The following LANCL2 variants were observed in gnomAD, a reference collection of about 807,000 sequenced individuals.
LANCL2 encodes the protein LanC like glutathione S-transferase 2.
In LANCL2, 33 loss-of-function variants were observed where a neutral mutation model predicts 56.9. The ratio of observed to expected loss-of-function variants is 0.58; its 90% CI spans 0.44 to 0.78. The LOEUF (loss-of-function observed/expected upper bound fraction) is 0.78, where lower values mean the gene tolerates loss of function less well. Among genes scored for constraint, LANCL2 ranks in the 30% least tolerant of loss-of-function variants. The probability of loss-of-function intolerance (pLI) is 0.00; values close to 1 mark genes in which losing one functional copy is unlikely to be tolerated. For synonymous variants in LANCL2, 233 were observed against 228.2 expected (o/e 1.02, Z -0.19); for missense variants, 562 against 580.2 (o/e 0.97, Z 0.32).
chr7:55,395,861 G>A (rs977521904), intron 2 of LANCL2, among the ~76,000 whole-genome samples: 1 of 152,170 alleles, frequency 6.6e-6, no homozygotes, highest in African/African-American at 2.4e-5. Context: ...TCTGAGAAAC[G>A]CATCATTGAG....
chr7:55,403,213 G>T (rs1273568094), intron 5 of LANCL2, among the ~76,000 whole-genome samples: 1 of 152,284 alleles, frequency 6.6e-6, no homozygotes. Flanking sequence ...GGCCGAGGCT[G>T]GCGGATCACT....
At chr7:55,374,210 C>T (rs1789975859) in intron 1 of LANCL2, among the ~76,000 whole-genome samples, 1 of 152,066 alleles carries the variant, frequency 6.6e-6, no homozygotes, top group Admixed American at 6.5e-5. Context: ...TGTAAACTTC[C>T]TTGTGGTTAT....
chr7:55,404,611 C>T (rs967342195), intron 5 of LANCL2, among the ~76,000 whole-genome samples: 1 of 150,578 alleles, frequency 6.6e-6, no homozygotes, highest in Non-Finnish European at 1.5e-5. Context: ...AATTTTCTTT[C>T]TTTTTTTTTC....
chr7:55,388,017 AAG>A (rs1328808335), intron 1 of LANCL2, among the ~76,000 whole-genome samples: 1 of 152,358 alleles, frequency 6.6e-6, no homozygotes, highest in African/African-American at 2.4e-5. Context: ...GTTAGGAAGA[AAG>A]AGGGGAAGAG....
chr7:55,392,063 C>G (rs1790197707), intron 2 of LANCL2, among the ~76,000 whole-genome samples, 153 bp downstream of exon 2: 1 of 152,172 alleles, frequency 6.6e-6, no homozygotes, highest in African/African-American at 2.4e-5. Flanking sequence ...GAGGCCGAGG[C>G]AGGTGGATCA....
intron 1 of LANCL2, among the ~76,000 whole-genome samples, chr7:55,386,277 G>A (rs865941913): frequency 6.2e-4 from 94 of 152,320 alleles, no homozygotes; most frequent in African/African-American, 2.2e-3. Context: ...TGTCCATGAA[G>A]TCTTTACAAT....
Position 55,366,156 on chromosome 7 carries a change from C to A in LANCL2, c.131C>A (p.Ala44Asp), listed in dbSNP as rs368231832. ...AAGALLASGA[A>D]EETGCVRPPA... Reference sequence around the variant, plus strand: ...GGGGCGCTGCTCGCCTCCGGAGCGGCCGAAGAGACAGGCTGTGTTCGTCCC... The same window carrying A: ...GGGGCGCTGCTCGCCTCCGGAGCGGACGAAGAGACAGGCTGTGTTCGTCCC... Residue 44 changes from alanine to aspartate, a missense_variant, in exon 1 of 9, where the codon GCC becomes GAC. By Grantham distance (126) the Ala-to-Asp change is moderately radical. Transcript: ENST00000254770. 6.4e-7 allele frequency: 1 copy of A among 1,555,184 alleles called. No individual in the cohort carries two copies. Among genetic ancestry groups the A allele is most frequent in the African/African-American group, 1.4e-5 (1 of 72,646 alleles).
chr7:55,401,118 A>G (rs994540829), intron 4 of LANCL2, 56 bp from the exon 5 acceptor site: 1 of 1,472,582 alleles, frequency 6.8e-7, no homozygotes, highest in Non-Finnish European at 9.5e-7. Flanking sequence ...TGTTAATTAG[A>G]CTACAACAGG....
intron 1 of LANCL2, among the ~76,000 whole-genome samples, chr7:55,390,778 CAA>C (rs556762101): frequency 1.4e-5 from 2 of 138,596 alleles, no homozygotes; most frequent in African/African-American, 2.7e-5. Context: ...AAAACTGTCT[CAA>C]AAAAAAAAAA....
intron 1 of LANCL2, among the ~76,000 whole-genome samples, chr7:55,388,737 G>A (rs6962424): frequency 0.012 from 1,841 of 152,300 alleles, 38 homozygotes; most frequent in African/African-American, 0.042. Flanking sequence ...ACCACTTAAG[G>A]TGAGCTGTTT....
chr7:55,427,807 CATTGAAG>C (rs1790681075), intron 7 of LANCL2, among the ~76,000 whole-genome samples: 1 of 152,156 alleles, frequency 6.6e-6, no homozygotes, highest in Non-Finnish European at 1.5e-5. Context: ...TGGAAACACC[CATTGAAG>C]AGGTCTAAGA....
intron 7 of LANCL2, among the ~76,000 whole-genome samples, chr7:55,425,774 C>T (rs1790657568): frequency 6.6e-6 from 1 of 152,162 alleles, no homozygotes. Flanking sequence ...AAAATACTAC[C>T]CACCTCCTAA....
At chr7:55,383,310 A>G (rs569272410) in intron 1 of LANCL2, among the ~76,000 whole-genome samples, 58 of 152,304 alleles carry the variant, frequency 3.8e-4, no homozygotes, top group Admixed American at 1.4e-3. Context: ...AGAAAACCCC[A>G]TGTGTGGTGG....
intron 7 of LANCL2, chr7:55,428,141 G>A (rs1790685455): frequency 7.1e-6 from 4 of 566,532 alleles, no homozygotes; most frequent in East Asian, 2.8e-5. Flanking sequence ...TTTTCACCTC[G>A]GACTTCCCAG....
chr7:55,428,598 G>A lies in LANCL2; in HGVS notation c.1258+151G>A, dbSNP rs1790693879. Reference sequence around the variant, plus strand: ...AGAGTAGCTTATTGCTGAAAATTATGTTGAATCTCTTCACCTTACCTATTG... The same window carrying A: ...AGAGTAGCTTATTGCTGAAAATTATATTGAATCTCTTCACCTTACCTATTG... On this transcript the variant is annotated intron_variant, in intron 8 of 8. Transcript: ENST00000254770. 4.5e-6 allele frequency: 3 copies of A among 664,496 alleles called. No homozygotes were observed. The Admixed American group carries it at 7.2e-5, about 16-fold the overall frequency. The allele number at this position is 664,496 out of a possible 1,614,324, so 41.2% of individuals were successfully genotyped here.
chr7:55,425,946 C>T (rs1317583188), intron 7 of LANCL2, among the ~76,000 whole-genome samples: 1 of 152,196 alleles, frequency 6.6e-6, no homozygotes, highest in African/African-American at 2.4e-5. Flanking sequence ...GCCTGATCTC[C>T]TTGCCTTACC....
chr7:55,390,265 C>CTT (rs1790171537), intron 1 of LANCL2, among the ~76,000 whole-genome samples: 1 of 152,086 alleles, frequency 6.6e-6, no homozygotes, highest in Non-Finnish European at 1.5e-5. Context: ...ATTCCATAGT[C>CTT]ATAAGGGGAA....
In LANCL2 at chr7:55,423,324, G is replaced by T. The variant is rs376748411; in HGVS notation, c.1009-1930G>T. 7.2e-5 allele frequency among the ~76,000 whole-genome samples: 11 copies of T among 152,296 alleles called. No individual in the cohort carries two copies. In the East Asian group the frequency reaches 1.2e-3, roughly 16 times the overall value. ...CTCTAGCAGCCTCAGCCTCGCAGGC[G>T]CAGGGACGGCATGAAGGAACCCTGT... On this transcript the variant is annotated intron_variant, in intron 6 of 8. Transcript: ENST00000254770.
intron 8 of LANCL2, among the ~76,000 whole-genome samples, chr7:55,429,508 A>G (rs1054090106): frequency 1.3e-5 from 2 of 152,158 alleles, no homozygotes; most frequent in Admixed American, 1.3e-4. Flanking sequence ...CTGTAGTGGT[A>G]TGTCCTGTTT....
Sources: allele counts gnomAD v4.1 joint callset (sites outside exome capture counted in the v4.1 genomes callset), GRCh38; gene constraint gnomAD v4.1.1; transcripts MANE v1.5; gene names NCBI Gene and HGNC (gene_info 2026-07-23, HGNC 2026-07-21).